Variants in CNTN5 observed in about 807,000 individuals in gnomAD.
The protein encoded by CNTN5 is contactin-5.
A neutral mutation model predicts 129.1 loss-of-function variants in CNTN5; 77 were observed. The ratio of observed to expected loss-of-function variants is 0.60; its 90% CI spans 0.50 to 0.72. The LOEUF (loss-of-function observed/expected upper bound fraction) is 0.72, where lower values mean the gene tolerates loss of function less well. CNTN5 is among the 30% of genes least tolerant of loss of function. CNTN5 has a pLI of 0.00. For synonymous variants in CNTN5, 509 were observed against 465.6 expected (o/e 1.09, Z -1.20); for missense variants, 1,478 against 1,328.8 (o/e 1.11, Z -1.75).
intron 1 of CNTN5, among the ~76,000 whole-genome samples, chr11:99,304,050 G>A (rs1415356248): frequency 6.6e-6 from 1 of 152,040 alleles, no homozygotes; most frequent in Non-Finnish European, 1.5e-5. Flanking sequence ...CTTGTTGTTG[G>A]GAAGTCACGA....
At chr11:100,343,460 G>T (rs938708524) in intron 23 of CNTN5, among the ~76,000 whole-genome samples, 1 of 152,070 alleles carries the variant, frequency 6.6e-6, no homozygotes, top group East Asian at 1.9e-4. Flanking sequence ...GACAGGAAAG[G>T]CTTCCTGAGG....
chr11:100,206,008 G>A (rs531011048), intron 15 of CNTN5, among the ~76,000 whole-genome samples: 1 of 152,126 alleles, frequency 6.6e-6, no homozygotes, highest in South Asian at 2.1e-4. Flanking sequence ...TTATATGGGA[G>A]GTATACGAAT....
intron 9 of CNTN5, among the ~76,000 whole-genome samples, chr11:100,046,894 G>A (rs1942710054): frequency 6.6e-6 from 1 of 150,538 alleles, no homozygotes; most frequent in Admixed American, 6.7e-5. Flanking sequence ...TTATCCTAGT[G>A]TTTTTCCAGG....
chr11:100,040,812 T>A (rs1390164619), intron 9 of CNTN5, among the ~76,000 whole-genome samples: 1 of 152,196 alleles, frequency 6.6e-6, no homozygotes, highest in Non-Finnish European at 1.5e-5. Flanking sequence ...GCCATTTTTT[T>A]AAGCCCATTG....
chr11:99,849,797 T>C (rs1947815504), intron 6 of CNTN5, among the ~76,000 whole-genome samples: 1 of 152,150 alleles, frequency 6.6e-6, no homozygotes. Flanking sequence ...TTGTAAAATG[T>C]AAATTCATTT....
At chr11:100,096,711 C>T (rs528439423) in intron 13 of CNTN5, among the ~76,000 whole-genome samples, 17 of 152,194 alleles carry the variant, frequency 1.1e-4, no homozygotes, top group South Asian at 8.3e-4. Flanking sequence ...TATTCTACCA[C>T]GGAGATCAAT....
chr11:99,476,135 C>A (rs1945362355), intron 2 of CNTN5, among the ~76,000 whole-genome samples: 1 of 151,942 alleles, frequency 6.6e-6, no homozygotes. Context: ...TGTCCTGGCA[C>A]AATTCCCCAA....
intron 3 of CNTN5, among the ~76,000 whole-genome samples, chr11:99,749,963 A>T (rs531188767): frequency 7.9e-5 from 12 of 152,296 alleles, no homozygotes; most frequent in African/African-American, 2.9e-4. Context: ...CTTACTGCTT[A>T]TTGGGAGATG....
At chr11:99,508,229 C>T (rs1946697727) in intron 2 of CNTN5, among the ~76,000 whole-genome samples, 1 of 152,078 alleles carries the variant, frequency 6.6e-6, no homozygotes, top group Non-Finnish European at 1.5e-5. Context: ...TAATATTTGC[C>T]TCATAAGCTT....
At chr11:100,171,107 A>G (rs368570888) in intron 13 of CNTN5, among the ~76,000 whole-genome samples, 1 of 152,136 alleles carries the variant, frequency 6.6e-6, no homozygotes, top group African/African-American at 2.4e-5. Flanking sequence ...TCTGTTCAAA[A>G]AAATAACTTG....
At chr11:99,118,523 A>C (rs914174908) in intron 1 of CNTN5, among the ~76,000 whole-genome samples, 1 of 152,240 alleles carries the variant, frequency 6.6e-6, no homozygotes, top group Admixed American at 6.6e-5. Context: ...TTGTATTCTA[A>C]GGATTCCCTT....
At chr11:99,438,974 C>T (rs1943707527) in intron 2 of CNTN5, among the ~76,000 whole-genome samples, 1 of 152,080 alleles carries the variant, frequency 6.6e-6, no homozygotes, top group Admixed American at 6.6e-5. Context: ...AGCAAAATCA[C>T]ACATAAGTTA....
intron 3 of CNTN5, among the ~76,000 whole-genome samples, chr11:99,614,854 T>A (rs934200696): frequency 1.7e-4 from 26 of 151,984 alleles, no homozygotes; most frequent in Non-Finnish European, 1.5e-5. Context: ...TAAAGAAGTA[T>A]CCCCTTTTTC....
chr11:99,963,089 T>G (rs1304481390), intron 8 of CNTN5, among the ~76,000 whole-genome samples: 2 of 152,200 alleles, frequency 1.3e-5, no homozygotes, highest in African/African-American at 4.8e-5. Context: ...TTGCAAAAAT[T>G]TTCTCCCATT....
intron 15 of CNTN5, among the ~76,000 whole-genome samples, chr11:100,201,125 A>AT (rs1338853272): frequency 1.3e-5 from 2 of 151,912 alleles, no homozygotes; most frequent in East Asian, 3.9e-4. Flanking sequence ...AGTCAATCCG[A>AT]TTTATTTCAG....
chr11:100,117,542 A>G (rs964710620), intron 13 of CNTN5, among the ~76,000 whole-genome samples: 2 of 151,954 alleles, frequency 1.3e-5, no homozygotes, highest in Admixed American at 6.6e-5. Flanking sequence ...ACCACATAGC[A>G]TATGCTCAAC....
intron 2 of CNTN5, among the ~76,000 whole-genome samples, chr11:99,443,914 A>G (rs192963886): frequency 2.0e-5 from 3 of 152,232 alleles, no homozygotes; most frequent in East Asian, 3.9e-4. Context: ...TATTGAAAAT[A>G]TAGGTGGGTG....
chr11:99,523,719 T>C (rs1310429889), intron 2 of CNTN5, among the ~76,000 whole-genome samples: 33 of 143,526 alleles, frequency 2.3e-4, no homozygotes, highest in South Asian at 6.6e-4. Context: ...TAGAATAGAA[T>C]AGAATAGAAT....
chr11:99,087,142 G>A (rs560122301), intron 1 of CNTN5, among the ~76,000 whole-genome samples: 52 of 152,212 alleles, frequency 3.4e-4, no homozygotes, highest in Non-Finnish European at 6.9e-4. Flanking sequence ...TTGAATTGAG[G>A]TTATGCCAAG....
Sources: gnomAD v4.1 joint callset for allele counts (sites outside exome capture counted in the v4.1 genomes callset) on GRCh38, gnomAD v4.1.1 for gene constraint, MANE v1.5 for transcripts, NCBI Gene and HGNC (gene_info 2026-07-23, HGNC 2026-07-21) for gene names.